CNTN4: variants seen among roughly 807,000 people sequenced by gnomAD.
The protein encoded by CNTN4 is contactin 4, also known as contactin-4.
A neutral mutation model predicts 122.5 loss-of-function variants in CNTN4; 77 were observed. That is an observed-to-expected ratio of 0.63 (90% CI 0.52 to 0.76). The LOEUF (loss-of-function observed/expected upper bound fraction) is 0.76, where lower values mean the gene tolerates loss of function less well. Ranked by LOEUF, CNTN4 falls within the 30% of genes least tolerant of loss-of-function variation. The pLI, the probability that CNTN4 is intolerant of heterozygous loss-of-function variation, is 0.00. For missense variants in CNTN4, 1,256 were observed against 1,259.1 expected (o/e 1.00, Z 0.04); for synonymous variants, 512 against 447.0 (o/e 1.15, Z -1.83).
At chr3:2,940,306 G>C (rs2094602386) in intron 13 of CNTN4, among the ~76,000 whole-genome samples, 1 of 152,228 alleles carries the variant, frequency 6.6e-6, no homozygotes, top group Non-Finnish European at 1.5e-5. Context: ...AACAATGCCA[G>C]GTGTGGCCAC....
intron 3 of CNTN4, chr3:2,511,207 G>A (rs1390573132): frequency 6.6e-6 from 1 of 152,188 alleles, no homozygotes; most frequent in African/African-American, 2.4e-5. Context: ...TTCTGTAGTT[G>A]AGGAATTACA....
chr3:2,286,566 A>C (rs1335961558), intron 2 of CNTN4, among the ~76,000 whole-genome samples: 1 of 152,160 alleles, frequency 6.6e-6, no homozygotes, highest in South Asian at 2.1e-4. Context: ...TGTTTAAGTC[A>C]GTTAAATCTT....
intron 3 of CNTN4, among the ~76,000 whole-genome samples, chr3:2,544,986 T>C (rs771544860): frequency 6.6e-6 from 1 of 152,054 alleles, no homozygotes; most frequent in Non-Finnish European, 1.5e-5. Flanking sequence ...GAGATCTTTC[T>C]GAATTTTTGA....
intron 4 of CNTN4, among the ~76,000 whole-genome samples, chr3:2,621,990 C>T (rs919269987): frequency 9.2e-5 from 14 of 152,134 alleles, no homozygotes; most frequent in Non-Finnish European, 1.6e-4. Flanking sequence ...TGCAGCCTCG[C>T]TACATGTTTC....
chr3:2,273,791 C>G (rs965901906), intron 2 of CNTN4, among the ~76,000 whole-genome samples: 1 of 152,066 alleles, frequency 6.6e-6, no homozygotes, highest in Non-Finnish European at 1.5e-5. Flanking sequence ...ATTGTGGTAC[C>G]ACCATTTGTT....
intron 2 of CNTN4, among the ~76,000 whole-genome samples, chr3:2,290,272 AG>A (rs1480565461): frequency 3.3e-5 from 5 of 152,294 alleles, no homozygotes; most frequent in Middle Eastern, 3.4e-3. Context: ...TAATGCAGGA[AG>A]GGGGAAGCCA....
chr3:2,771,481 A>T (rs1290491249), intron 6 of CNTN4, among the ~76,000 whole-genome samples: 5 of 152,178 alleles, frequency 3.3e-5, no homozygotes, highest in Admixed American at 3.3e-4. Flanking sequence ...TCACTCCAAT[A>T]TGTGACCTCT....
chr3:2,359,348 T>G (rs2045017097), intron 3 of CNTN4, among the ~76,000 whole-genome samples: 1 of 152,176 alleles, frequency 6.6e-6, no homozygotes, highest in South Asian at 2.1e-4. Context: ...TGTATAATAC[T>G]CCAGTGTTCA....
At chr3:2,988,282 T>A (rs1694758036) in intron 13 of CNTN4, 63 bp from the exon 14 acceptor site, 1 of 1,478,566 alleles carries the variant, frequency 6.8e-7, no homozygotes, top group South Asian at 1.1e-5. Flanking sequence ...ATGACAGAAC[T>A]AATTTGCAAT....
At chr3:2,275,629 A>C (rs1051773181) in intron 2 of CNTN4, among the ~76,000 whole-genome samples, 2 of 152,094 alleles carry the variant, frequency 1.3e-5, no homozygotes, top group Admixed American at 1.3e-4. Flanking sequence ...CTCATCAAAA[A>C]ATTAAATCTT....
At chr3:2,266,389 C>T (rs562717250) in intron 2 of CNTN4, among the ~76,000 whole-genome samples, 21 of 152,230 alleles carry the variant, frequency 1.4e-4, no homozygotes, top group African/African-American at 4.8e-4. Flanking sequence ...ACTTAAGGTT[C>T]AAAACACCTA....
intron 6 of CNTN4, among the ~76,000 whole-genome samples, chr3:2,768,152 A>G (rs938188112): frequency 6.6e-6 from 1 of 152,200 alleles, no homozygotes; most frequent in African/African-American, 2.4e-5. Context: ...GAAATTAAAC[A>G]TCACAAATGT....
At chr3:2,178,317 CAAAG>C (rs1332358602) in intron 2 of CNTN4, among the ~76,000 whole-genome samples, 5 of 151,520 alleles carry the variant, frequency 3.3e-5, no homozygotes, top group Non-Finnish European at 5.9e-5. Flanking sequence ...ATCTTAAACT[CAAAG>C]AATTATAGAA....
At chr3:2,327,541 A>G (rs1278011707) in intron 2 of CNTN4, among the ~76,000 whole-genome samples, 1 of 152,134 alleles carries the variant, frequency 6.6e-6, no homozygotes, top group Admixed American at 6.5e-5. Context: ...CATGCCTTAT[A>G]TTTTATATAT....
intron 4 of CNTN4, among the ~76,000 whole-genome samples, chr3:2,672,162 T>C (rs1219351513): frequency 6.6e-6 from 1 of 152,182 alleles, no homozygotes; most frequent in Non-Finnish European, 1.5e-5. Flanking sequence ...GACATTTAAG[T>C]CTGAAGAGGT....
Position 3,010,233 on chromosome 3 carries a change from CT to C in CNTN4, c.1487-15868del, listed in dbSNP as rs141273799. On this transcript the variant is annotated intron_variant, in intron 14 of 24. Transcript: ENST00000418658. ...GGAATAAGGGAGAGCAAATAGGGAC[CT>C]AATTGATTTTAAACAGCATCTTCCA... is the stretch of plus-strand genomic sequence containing the variant. 6.0e-3 allele frequency among the ~76,000 whole-genome samples: 912 copies of C among 152,072 alleles called. 11 individuals carry two copies. The highest frequency in any genetic ancestry group is 0.021 in the African/African-American group (864 of 41,514).
At chr3:2,657,701 GT>G (rs2083657404) in intron 4 of CNTN4, among the ~76,000 whole-genome samples, 1 of 152,116 alleles carries the variant, frequency 6.6e-6, no homozygotes. Context: ...TGGCTCTGTG[GT>G]TTGGGTAGAG....
At chr3:2,551,437 A>G (rs867130826) in intron 3 of CNTN4, among the ~76,000 whole-genome samples, 21 of 152,258 alleles carry the variant, frequency 1.4e-4, no homozygotes, top group African/African-American at 4.6e-4. Flanking sequence ...TCTTACGTTT[A>G]TCCACATGAT....
chr3:2,447,801 G>A (rs2048679610), intron 3 of CNTN4, among the ~76,000 whole-genome samples: 2 of 151,860 alleles, frequency 1.3e-5, no homozygotes, highest in Admixed American at 1.3e-4. Flanking sequence ...CTTATGTGTT[G>A]GGTTCTGTTA....
Sources: gnomAD v4.1 joint callset for allele counts (sites outside exome capture counted in the v4.1 genomes callset) on GRCh38, gnomAD v4.1.1 for gene constraint, MANE v1.5 for transcripts, NCBI Gene and HGNC (gene_info 2026-07-23, HGNC 2026-07-21) for gene names.